Variants in SSBP2 observed in about 807,000 individuals in gnomAD.
SSBP2 encodes single stranded DNA binding protein 2, also known as single-stranded DNA-binding protein 2.
In SSBP2, 17 loss-of-function variants were observed where a neutral mutation model predicts 61.8. That is an observed-to-expected ratio of 0.28 (90% confidence interval 0.19 to 0.41). SSBP2 has a LOEUF of 0.41. SSBP2 is among the 10% of genes least tolerant of loss of function. The pLI is 1.00. For missense variants in SSBP2, 310 were observed against 458.7 expected (o/e 0.68, Z 2.96); for synonymous variants, 139 against 141.3 (o/e 0.98, Z 0.12).
At chr5:81,492,421 T>A (rs976166214) in intron 5 of SSBP2, among the ~76,000 whole-genome samples, 1 of 152,200 alleles carries the variant, frequency 6.6e-6, no homozygotes, top group Admixed American at 6.5e-5. Flanking sequence ...GGAGAATCGC[T>A]TGAACCCAGG....
intron 4 of SSBP2, among the ~76,000 whole-genome samples, chr5:81,544,089 G>A (rs1380195177): frequency 1.3e-5 from 2 of 152,024 alleles, no homozygotes; most frequent in Non-Finnish European, 2.9e-5. Context: ...TCGCTCTGTG[G>A]CCCAGGCTGG....
intron 1 of SSBP2, among the ~76,000 whole-genome samples, chr5:81,694,476 T>C (rs1324807362): frequency 6.6e-6 from 1 of 152,170 alleles, no homozygotes. Context: ...TTAGAAATAT[T>C]GACTAAGTAA....
chr5:81,488,015 ATATATATATATAT>A (rs1766518571), intron 6 of SSBP2, among the ~76,000 whole-genome samples: 1 of 8,056 alleles, frequency 1.2e-4, no homozygotes. Context: ...CAAATAATAT[ATATATATATATAT>A]ATATATATAT....
At chr5:81,626,512 T>C (rs971656942) in intron 3 of SSBP2, among the ~76,000 whole-genome samples, 1 of 152,222 alleles carries the variant, frequency 6.6e-6, no homozygotes, top group Non-Finnish European at 1.5e-5. Context: ...GAGTTCTTAA[T>C]GCAAGACTCC....
At chr5:81,744,002 TTTG>T (rs1757196247) in intron 1 of SSBP2, among the ~76,000 whole-genome samples, 1 of 152,338 alleles carries the variant, frequency 6.6e-6, no homozygotes, top group South Asian at 2.1e-4. Flanking sequence ...TGTCTCCTGT[TTTG>T]ATACCTGAAG....
At chr5:81,662,235 G>A (rs892362746) in intron 1 of SSBP2, among the ~76,000 whole-genome samples, 1 of 152,134 alleles carries the variant, frequency 6.6e-6, no homozygotes, top group Non-Finnish European at 1.5e-5. Flanking sequence ...GTAGGCCAAG[G>A]TGGGTCAATC....
intron 1 of SSBP2, among the ~76,000 whole-genome samples, chr5:81,703,970 A>T (rs891228597): frequency 2.0e-5 from 3 of 152,190 alleles, no homozygotes; most frequent in African/African-American, 7.2e-5. Context: ...CTGACTATGG[A>T]GCTTTACTGC....
rs755911481 is a variant in SSBP2 at position 81,498,366 on chromosome 5, G to T, written c.373-9057C>A. Among the ~76,000 whole-genome samples the T allele has an allele frequency of 6.6e-5, 10 of 152,094 alleles. No homozygotes were observed. In the Middle Eastern group the frequency reaches 0.01, roughly 156 times the overall value. On this transcript the variant is annotated intron_variant, in intron 5 of 16. Coordinates refer to ENST00000320672, the MANE Select transcript of SSBP2 (RefSeq NM_012446.5). ...GTATATACCAAATCTATCTCACTTG[G>T]ACCTGTGTAAACATGACTTTAGACA...
chr5:81,726,943 C>T (rs1297287988), intron 1 of SSBP2, among the ~76,000 whole-genome samples: 1 of 152,192 alleles, frequency 6.6e-6, no homozygotes, highest in African/African-American at 2.4e-5. Context: ...TTCTTTTGCA[C>T]TTACTCTGTA....
At chr5:81,549,137 T>TA (rs1319347733) in intron 4 of SSBP2, among the ~76,000 whole-genome samples, 7 of 152,186 alleles carry the variant, frequency 4.6e-5, no homozygotes, top group African/African-American at 1.7e-4. Flanking sequence ...TTCCAAAATT[T>TA]AAAAAATCTT....
intron 1 of SSBP2, among the ~76,000 whole-genome samples, chr5:81,662,938 T>C (rs1252384971): frequency 6.6e-6 from 1 of 152,144 alleles, no homozygotes; most frequent in Non-Finnish European, 1.5e-5. Flanking sequence ...AGATGAACTA[T>C]TTAACTAATT....
At chr5:81,436,052 G>A (rs187019428) in intron 15 of SSBP2, among the ~76,000 whole-genome samples, 114 of 152,014 alleles carry the variant, frequency 7.5e-4, no homozygotes, top group African/African-American at 2.5e-3. Context: ...GCAAGGCTTC[G>A]TGGTATGAGC....
At chr5:81,556,805 A>C (rs1052532350) in intron 4 of SSBP2, among the ~76,000 whole-genome samples, 5 of 152,042 alleles carry the variant, frequency 3.3e-5, no homozygotes, top group African/African-American at 1.2e-4. Flanking sequence ...TTCTCAGGCA[A>C]CTCACTTAAC....
chr5:81,741,614 C>A (rs902968478), intron 1 of SSBP2, among the ~76,000 whole-genome samples: 16 of 152,146 alleles, frequency 1.1e-4, no homozygotes, highest in Admixed American at 9.2e-4. Context: ...TTCCCTCCCC[C>A]TAACCCAGCA....
rs549643124 is a variant in SSBP2, at chr5:81,518,038, CAATT to C, written c.283-4325_283-4322del. Reference sequence around the variant, plus strand: ...TATCAAGATTCTACACACTGAATAACAATTTATTTACTAAGAATGCTAGAGAACT... The same window carrying C: ...TATCAAGATTCTACACACTGAATAACTATTTACTAAGAATGCTAGAGAACT... On this transcript the variant is annotated intron_variant, in intron 4 of 16. Transcript: ENST00000320672. Among the ~76,000 whole-genome samples the C allele has an allele frequency of 4.9e-3, 748 of 152,036 alleles. 3 individuals carry two copies. The highest frequency in any genetic ancestry group is 7.1e-3 in the Non-Finnish European group (484 of 67,942).
At chr5:81,566,665 G>T (rs1320549426) in intron 4 of SSBP2, among the ~76,000 whole-genome samples, 1 of 152,088 alleles carries the variant, frequency 6.6e-6, no homozygotes, top group Non-Finnish European at 1.5e-5. Context: ...AAGCAACTTT[G>T]GTTGGGAACA....
intron 1 of SSBP2, among the ~76,000 whole-genome samples, chr5:81,736,066 A>T (rs1036065721): frequency 5.3e-5 from 8 of 151,812 alleles, no homozygotes; most frequent in Non-Finnish European, 1.2e-4. Context: ...CATAATTCTT[A>T]GGCTGGCTTT....
chr5:81,573,083 T>A (rs147943556), intron 4 of SSBP2, among the ~76,000 whole-genome samples: 1 of 152,354 alleles, frequency 6.6e-6, no homozygotes, highest in African/African-American at 2.4e-5. Context: ...AATGTTTATA[T>A]CATGGATACT....
intron 4 of SSBP2, among the ~76,000 whole-genome samples, chr5:81,602,404 G>A (rs1397295073): frequency 2.6e-5 from 4 of 152,168 alleles, no homozygotes; most frequent in Non-Finnish European, 5.9e-5. Context: ...TGGGCTCCCT[G>A]TGAGGCTGCT....
Sources: gnomAD v4.1 joint callset for allele counts (sites outside exome capture counted in the v4.1 genomes callset) on GRCh38, gnomAD v4.1.1 for gene constraint, MANE v1.5 for transcripts, NCBI Gene and HGNC (gene_info 2026-07-23, HGNC 2026-07-21) for gene names.